Variants in CYB561 observed in about 807,000 individuals in gnomAD.
CYB561 encodes the protein cytochrome b561.
A neutral mutation model predicts 25.3 loss-of-function variants in CYB561; 11 were observed. That is an observed-to-expected ratio of 0.44 (90% confidence interval 0.27 to 0.72). The LOEUF is 0.72. Among genes scored for constraint, CYB561 ranks in the 30% least tolerant of loss-of-function variants. The pLI is 0.18. For missense variants in CYB561, 295 were observed against 334.9 expected (o/e 0.88, Z 0.93); for synonymous variants, 165 against 158.8 (o/e 1.04, Z -0.29).
intron 4 of CYB561, chr17:63,435,471 G>A: frequency 1.5e-6 from 1 of 682,112 alleles, no homozygotes; most frequent in Non-Finnish European, 2.5e-6. Context: ...TGGGCTTGTG[G>A]CCAAAAGTGC....
chr17:63,446,597 C>A (rs1285020949), upstream of CYB561, among the ~76,000 whole-genome samples: 2 of 151,972 alleles, frequency 1.3e-5, no homozygotes, highest in Non-Finnish European at 2.9e-5. Flanking sequence ...GGGCCTGCCT[C>A]GAGGGCCGCG....
chr17:63,440,804 C>G (rs1441786644), intron 1 of CYB561: 3 of 152,406 alleles, frequency 2.0e-5, no homozygotes, highest in East Asian at 1.9e-4. Context: ...CTCTAATACC[C>G]CGAGTCTAAC....
chr17:63,437,644 A>C, intron 1 of CYB561, 84 bp from the exon 2 acceptor site: 2 of 886,090 alleles, frequency 2.3e-6, no homozygotes, highest in African/African-American at 3.1e-5. Flanking sequence ...CAGCCCCCCA[A>C]GATGCGCACA....
Position 63,434,605 on chromosome 17 carries a change from G to A in CYB561, c.564-11C>T, listed in dbSNP as rs1314512987. The A allele has an allele frequency of 6.3e-7, 1 of 1,598,746 alleles. No individual in the cohort carries two copies. The highest frequency in any genetic ancestry group is 1.7e-5 in the Admixed American group (1 of 59,720). Reference sequence around the variant, plus strand: ...GCGCTATACTTGCCCCTGCAGGGGTGAGAGGAAGGGAGAAGCTGCCCAAGG... The same window carrying A: ...GCGCTATACTTGCCCCTGCAGGGGTAAGAGGAAGGGAGAAGCTGCCCAAGG... On this transcript the variant is annotated splice_polypyrimidine_tract_variant and intron_variant, in intron 5 of 5. Coordinates refer to ENST00000360793, the MANE Select transcript of CYB561 (RefSeq NM_001915.4).
chr17:63,435,837 A>G, intron 3 of CYB561, 46 bp from the exon 4 acceptor site: 1 of 1,602,802 alleles, frequency 6.2e-7, no homozygotes, highest in East Asian at 2.2e-5. Context: ...GATGTGGAAA[A>G]GGAAGGTGTA....
chr17:63,445,661 A>G (rs2049416410), intron 1 of CYB561, among the ~76,000 whole-genome samples: 1 of 152,130 alleles, frequency 6.6e-6, no homozygotes. Context: ...CCCTCAGCGC[A>G]GTTGGCACCG....
Position 63,436,270 on chromosome 17 carries a change from G to A in CYB561, c.203-118C>T, listed in dbSNP as rs2049299557. 1.5e-6 allele frequency: 2 copies of A among 1,293,782 alleles called. No homozygotes were observed. The highest frequency in any genetic ancestry group is 1.5e-5 in the African/African-American group (1 of 67,366). The allele number at this position is 1,293,782 out of a possible 1,614,324, so 80.1% of individuals were successfully genotyped here. A position where few individuals can be genotyped will look rare whatever the true frequency, so the allele number is the denominator to read the frequency against. On this transcript the variant is annotated intron_variant, in intron 2 of 5. Transcript: ENST00000360793. This position sits in a 1 kb window ranked among gnomAD's most constrained non-coding sequence, Gnocchi z 4.8. ...TGTGAGCTGACGGCTTGTAACAGGAGCCTAGCTGCAGGAACCGGAGGAGAA... is the reference window on the plus strand; with the variant it reads ...TGTGAGCTGACGGCTTGTAACAGGAACCTAGCTGCAGGAACCGGAGGAGAA...
At chr17:63,437,058 G>A in intron 2 of CYB561, 1 of 488,516 alleles carries the variant, frequency 2.0e-6, no homozygotes, top group Non-Finnish European at 3.7e-6. Flanking sequence ...GCCTGGCTCG[G>A]AGCCTCATTC....
At position 63,436,315 on chromosome 17, in the gene CYB561, C is replaced by G. The variant is rs974103751; in HGVS notation, c.203-163G>C. On this transcript the variant is annotated intron_variant, in intron 2 of 5. Coordinates refer to ENST00000360793, the MANE Select transcript of CYB561 (RefSeq NM_001915.4). The surrounding 1 kb of genome is among the most constrained non-coding windows in gnomAD (Gnocchi z 4.8). ...GGAGAAAGCCAGGTTCCCTGGGGAC[C>G]CTGGGCAGCTCCTGGCCTTCTCTGA... 2.0e-5 allele frequency among the ~76,000 whole-genome samples: 3 copies of G among 152,112 alleles called. No homozygotes were observed. The highest frequency in any genetic ancestry group is 4.8e-5 in the African/African-American group (2 of 41,406).
chr17:63,434,588 CT>C lies in CYB561; in HGVS notation c.569del (p.Lys190SerfsTer30), dbSNP rs936873912. The C allele has an allele frequency of 2.5e-6, 4 of 1,608,872 alleles. No homozygotes were observed. Among genetic ancestry groups the C allele is most frequent in the Non-Finnish European group, 3.4e-6 (4 of 1,179,480 alleles). On this transcript the variant is annotated frameshift_variant, in exon 6 of 6. Coordinates refer to ENST00000360793, the MANE Select transcript of CYB561 (RefSeq NM_001915.4). LOFTEE classifies it high-confidence loss of function. ...KEALLFNLGG[K>X]YSAFEPEGVL... Reference sequence around the variant, plus strand: ...CACCCTCGGGCTCAAATGCGCTATACTTGCCCCTGCAGGGGTGAGAGGAAGG... The same window carrying C: ...CACCCTCGGGCTCAAATGCGCTATACTGCCCCTGCAGGGGTGAGAGGAAGG...
intron 1 of CYB561, chr17:63,440,586 AGAG>A (rs2049365234): frequency 4.6e-6 from 1 of 218,288 alleles, no homozygotes; most frequent in Non-Finnish European, 9.0e-6. Context: ...TAGGCCCTCT[AGAG>A]GAGACGCCTG....
At position 63,437,119 on chromosome 17, in the gene CYB561, G is replaced by C. The variant is rs928369739; in HGVS notation, c.202+227C>G. ...CGCCTTGGATGCTGTGTGTGGAAAC[G>C]AGGTGAAAATGCTGGACCAGGCTGG... On this transcript the variant is annotated intron_variant, in intron 2 of 5. Transcript: ENST00000360793. 3.1e-5 allele frequency: 17 copies of C among 556,456 alleles called. No homozygotes were observed. In the African/African-American group the frequency reaches 3.2e-4, roughly 10 times the overall value. The allele number at this position is 556,456 out of a possible 1,614,324, so 34.5% of individuals were successfully genotyped here. A position where few individuals can be genotyped will look rare whatever the true frequency, so the allele number is the denominator to read the frequency against.
chr17:63,443,510 C>T (rs1165931893), intron 1 of CYB561, among the ~76,000 whole-genome samples: 2 of 152,230 alleles, frequency 1.3e-5, no homozygotes, highest in Non-Finnish European at 2.9e-5. Flanking sequence ...TCCCACAAGA[C>T]AGAGGGCTCC....
intron 1 of CYB561, among the ~76,000 whole-genome samples, chr17:63,439,803 G>A (rs1026132226): frequency 2.8e-4 from 43 of 152,084 alleles, no homozygotes; most frequent in Admixed American, 2.5e-3. Flanking sequence ...CATCATTTTC[G>A]TAACCTCACA....
At chr17:63,438,090 G>A (rs1568024194) in intron 1 of CYB561, 5 of 1,533,880 alleles carry the variant, frequency 3.3e-6, no homozygotes, top group Non-Finnish European at 4.4e-6. Context: ...CTGGGGGGAG[G>A]GGCCCAGCCT....
chr17:63,437,966 G>T, intron 1 of CYB561: 1 of 728,226 alleles, frequency 1.4e-6, no homozygotes, highest in Non-Finnish European at 2.1e-6. Flanking sequence ...CTCCTCCCAC[G>T]GCGGCCCCGC....
chr17:63,437,439 G>A lies in CYB561; in HGVS notation c.109C>T (p.Leu37=). The change falls in exon 2 of 6, where the codon CTG becomes TTG. Residue 37 remains leucine, a synonymous_variant. Transcript: ENST00000360793. ...LVAMTGAWLG[L]YRGGIAWESD... ...TCCCAGGCAATGCCGCCTCGGTACA[G>A]CCCGAGCCACGCGCCGGTCATGGCC... 1 of 1,614,002 alleles carries A rather than the reference G, an allele frequency of 6.2e-7. No individual in the cohort carries two copies. Among genetic ancestry groups the A allele is most frequent in the Admixed American group, 1.7e-5 (1 of 60,026 alleles).
In CYB561 at chr17:63,434,551, C is replaced by T. The variant is rs969085741; in HGVS notation, c.607G>A (p.Val203Met). The change falls in exon 6 of 6, where the codon GTG becomes ATG. Residue 203 changes from valine to methionine, a missense_variant. Val to Met is a conservative substitution (Grantham distance 21). Coordinates refer to ENST00000360793, the MANE Select transcript of CYB561 (RefSeq NM_001915.4). ...AAGCAGGCCAGCAGCAGGCCCAGCA[C>T]GTTGGCCAGGACACCCTCGGGCTCA... ...AFEPEGVLAN[V>M]LGLLLACFGG... 4 of 1,612,810 alleles carry T rather than the reference C, an allele frequency of 2.5e-6. No individual in the cohort carries two copies. The highest frequency in any genetic ancestry group is 2.2e-5 in the South Asian group (2 of 91,060).
At chr17:63,438,413 T>C in intron 1 of CYB561, 3 of 508,728 alleles carry the variant, frequency 5.9e-6, no homozygotes, top group East Asian at 3.4e-5. Flanking sequence ...TGAGGAGGCC[T>C]CCCCACCCCA....
Sources: allele counts gnomAD v4.1 joint callset (sites outside exome capture counted in the v4.1 genomes callset), GRCh38; gene constraint gnomAD v4.1.1; non-coding constraint Gnocchi (gnomAD v3.1); transcripts MANE v1.5; gene names NCBI Gene and HGNC (gene_info 2026-07-23, HGNC 2026-07-21).